NUAK2: variants seen among roughly 807,000 people sequenced by gnomAD.
NUAK2 encodes NUAK family SNF1-like kinase 2.
NUAK2 carries 20 observed loss-of-function variants against 29.8 expected under a neutral mutation model. The ratio of observed to expected loss-of-function variants is 0.67; its 90% CI spans 0.47 to 0.98. The LOEUF (loss-of-function observed/expected upper bound fraction) is 0.98. Among genes scored for constraint, NUAK2 ranks in the 50% least tolerant of loss-of-function variants. The pLI, the probability that NUAK2 is intolerant of heterozygous loss-of-function variation, is 0.00. For missense variants in NUAK2, 719 were observed against 834.5 expected (o/e 0.86, Z 1.71); for synonymous variants, 331 against 342.6 (o/e 0.97, Z 0.37).
In NUAK2 at chr1:205,314,832, GA is replaced by G. The variant is rs1376395581; in HGVS notation, c.232-3008del. 2.6e-5 allele frequency among the ~76,000 whole-genome samples: 4 copies of G among 152,136 alleles called. 1 individual carries two copies. Among genetic ancestry groups the G allele is most frequent in the Admixed American group, 2.0e-4 (3 of 15,276 alleles). On this transcript the variant is annotated intron_variant, in intron 1 of 6. Coordinates refer to ENST00000367157, the MANE Select transcript of NUAK2 (RefSeq NM_030952.3). ...GTTGTGTACTCGCAGATACAATAGTGAAATAAATCATCATAGGCTTAGGGGG... is the reference window on the plus strand; with the variant it reads ...GTTGTGTACTCGCAGATACAATAGTGAATAAATCATCATAGGCTTAGGGGG...
chr1:205,313,385 T>C (rs540480195), intron 1 of NUAK2, among the ~76,000 whole-genome samples: 1 of 152,150 alleles, frequency 6.6e-6, no homozygotes, highest in African/African-American at 2.4e-5. Flanking sequence ...AAACACCACA[T>C]GAGGACGAAG....
At chr1:205,314,581 A>G (rs1036273607) in intron 1 of NUAK2, among the ~76,000 whole-genome samples, 1 of 152,152 alleles carries the variant, frequency 6.6e-6, no homozygotes, top group Non-Finnish European at 1.5e-5. Context: ...TCTCGCCTCC[A>G]TACCCTTTTT....
At chr1:205,309,694 T>C (rs1349174280) in intron 2 of NUAK2, among the ~76,000 whole-genome samples, 1 of 152,184 alleles carries the variant, frequency 6.6e-6, no homozygotes, top group Non-Finnish European at 1.5e-5. Context: ...AATGTCTGTC[T>C]TGAGGATCAG....
intron 1 of NUAK2, among the ~76,000 whole-genome samples, chr1:205,319,552 C>T (rs1252081581): frequency 1.3e-5 from 2 of 152,160 alleles, no homozygotes; most frequent in African/African-American, 2.4e-5. Flanking sequence ...GTCTCCACCC[C>T]CAAGAGGCAC....
chr1:205,312,208 T>C (rs1662267038), intron 1 of NUAK2, among the ~76,000 whole-genome samples: 2 of 152,206 alleles, frequency 1.3e-5, no homozygotes, highest in South Asian at 4.1e-4. Flanking sequence ...GAATTCTTGA[T>C]GCTGAGCACA....
intron 1 of NUAK2, among the ~76,000 whole-genome samples, chr1:205,317,577 C>T (rs1330924781): frequency 1.3e-5 from 2 of 152,192 alleles, no homozygotes; most frequent in Non-Finnish European, 2.9e-5. Context: ...CTGTGCTGCC[C>T]CCTCCTTGCC....
rs568549426 is a variant in NUAK2, at chr1:205,305,230, G to A, written c.792C>T (p.Asn264=). ...GTTTAGGTGGCTCCCGGTAGGCCCC[G>A]TTGCTGATCTGTTTCACTAGGATCT... is the stretch of plus-strand genomic sequence containing the variant. ...DHKILVKQIS[N]GAYREPPKPS... is the part of the protein sequence containing the mutation. Residue 264 remains asparagine (N), a synonymous_variant, in exon 6 of 7, where the codon AAC becomes AAT. Transcript: ENST00000367157. The A allele has an allele frequency of 4.2e-5, 68 of 1,614,196 alleles. 1 individual carries two copies. In the South Asian group the frequency reaches 5.0e-4, roughly 12 times the overall value.
intron 1 of NUAK2, among the ~76,000 whole-genome samples, chr1:205,313,247 GA>G (rs57757397): frequency 0.041 from 5,242 of 126,448 alleles, 162 homozygotes; most frequent in African/African-American, 0.088. Context: ...AAATTATGAA[GA>G]AAAAAAAAAA....
At chr1:205,315,180 A>G (rs193057616) in intron 1 of NUAK2, among the ~76,000 whole-genome samples, 2 of 152,244 alleles carry the variant, frequency 1.3e-5, no homozygotes, top group Admixed American at 1.3e-4. Context: ...TCAGGCCTCT[A>G]TCGGTCTCCA....
chr1:205,303,732 C>T lies in NUAK2; in HGVS notation c.1605G>A (p.Arg535=), dbSNP rs1473544544. ...TCACAGCCCCTGAGGGTCGGCTGGC[C>T]CGGGCCAGGGGGCGAGGTGGGGCGA... ...DELAPPRPLA[R]ASRPSGAVSE... The change falls in exon 7 of 7, where the codon CGG becomes CGA. Residue 535 remains arginine, a synonymous_variant. Transcript: ENST00000367157. 1 of 1,538,930 alleles carries T rather than the reference C, an allele frequency of 6.5e-7. No individual in the cohort carries two copies. The highest frequency in any genetic ancestry group is 8.7e-7 in the Non-Finnish European group (1 of 1,144,498).
Position 205,305,275 on chromosome 1 carries a change from G to A in NUAK2, c.747C>T (p.Pro249=). 1 of 1,614,210 alleles carries A rather than the reference G, an allele frequency of 6.2e-7. No homozygotes were observed. Residue 249 remains proline, a synonymous_variant, in exon 6 of 7, where the codon CCC becomes CCT. Transcript: ENST00000367157. ...LLYILVHGTM[P]FDGHDHKILV... is the part of the protein sequence containing the mutation. ...GGATCTTATGGTCATGCCCATCAAA[G>A]GGCATGGTGCCATGCACCAGGATGT... is the stretch of plus-strand genomic sequence containing the variant.
At position 205,321,266 on chromosome 1, in the gene NUAK2, C is replaced by T. The variant is rs547617314; in HGVS notation, c.231+132G>A. 3.8e-6 allele frequency: 3 copies of T among 779,392 alleles called. No individual in the cohort carries two copies. In the South Asian group the frequency reaches 5.7e-5, roughly 15 times the overall value. 48.3% of individuals were successfully genotyped at this position (779,392 alleles called of 1,614,324 possible). A position where few individuals can be genotyped will look rare whatever the true frequency, so the allele number is the denominator to read the frequency against. ...CCAGGGACACCCCGCAGTAGCCCCGCAAGCTCAGCGCGGTAAAGACCACGC... is the reference window on the plus strand; with the variant it reads ...CCAGGGACACCCCGCAGTAGCCCCGTAAGCTCAGCGCGGTAAAGACCACGC... On this transcript the variant is annotated intron_variant, in intron 1 of 6. Coordinates refer to ENST00000367157, the MANE Select transcript of NUAK2 (RefSeq NM_030952.3).
intron 2 of NUAK2, among the ~76,000 whole-genome samples, chr1:205,310,527 A>C (rs987515686): frequency 3.8e-4 from 58 of 152,332 alleles, no homozygotes; most frequent in Admixed American, 3.1e-3. Flanking sequence ...CCTGAGCTGC[A>C]GTGCTCAGTT....
intron 1 of NUAK2, among the ~76,000 whole-genome samples, chr1:205,314,180 G>C (rs1467301232): frequency 6.6e-6 from 1 of 152,216 alleles, no homozygotes; most frequent in Non-Finnish European, 1.5e-5. Context: ...CGGTCACCCC[G>C]GCAACGGGCC....
In NUAK2 at chr1:205,304,011, C is replaced by T. The variant is rs1158198083; in HGVS notation, c.1326G>A (p.Leu442=). The change falls in exon 7 of 7, where the codon CTG becomes CTA. Residue 442 remains leucine (L), a synonymous_variant. Coordinates refer to ENST00000367157, the MANE Select transcript of NUAK2 (RefSeq NM_030952.3). This position sits in a 1 kb window ranked among gnomAD's most constrained non-coding sequence, Gnocchi z 6.5. ...IPASPGQAAP[L]LPKKGILKKP... The stretch of plus-strand genomic sequence containing the variant: ...TCTTGAGAATGCCCTTCTTGGGGAG[C>T]AGGGGGGCAGCCTGCCCTGGGCTCG... The T allele has an allele frequency of 4.3e-6, 7 of 1,613,844 alleles. No homozygotes were observed. Among genetic ancestry groups the T allele is most frequent in the Non-Finnish European group, 5.9e-6 (7 of 1,179,876 alleles).
At chr1:205,305,686 T>C in intron 5 of NUAK2, 1 of 196,474 alleles carries the variant, frequency 5.1e-6, no homozygotes, top group Non-Finnish European at 9.2e-6. Flanking sequence ...AGACCTAAGT[T>C]CTAGTTCTAG....
At position 205,303,721 on chromosome 1, in the gene NUAK2, G is replaced by T; in HGVS notation, c.1616C>A (p.Pro539His). 1.3e-6 allele frequency: 2 copies of T among 1,538,910 alleles called. No individual in the cohort carries two copies. The highest frequency in any genetic ancestry group is 1.7e-6 in the Non-Finnish European group (2 of 1,144,604). Reference protein sequence around the residue: ...PPRPLARASRPSGAVSEDSIL... With the variant: ...PPRPLARASRHSGAVSEDSIL... ...GCTGTCCTCGCTCACAGCCCCTGAGGGTCGGCTGGCCCGGGCCAGGGGGCG... is the reference window on the plus strand; with the variant it reads ...GCTGTCCTCGCTCACAGCCCCTGAGTGTCGGCTGGCCCGGGCCAGGGGGCG... Residue 539 changes from proline to histidine, a missense_variant, in exon 7 of 7, where the codon CCC becomes CAC. By Grantham distance (77) the Pro-to-His change is moderately conservative. Coordinates refer to ENST00000367157, the MANE Select transcript of NUAK2 (RefSeq NM_030952.3).
At chr1:205,307,818 T>A (rs1662203351) in intron 4 of NUAK2, among the ~76,000 whole-genome samples, 1 of 152,196 alleles carries the variant, frequency 6.6e-6, no homozygotes. Context: ...GCCGGGCCTG[T>A]CCCAAGGTTG....
In NUAK2 at chr1:205,321,399, A is replaced by T. The variant is rs1322690528; in HGVS notation, c.230T>A (p.Leu77Gln). Residue 77 changes from leucine (L) to glutamine (Q), a missense_variant and splice_region_variant, in exon 1 of 7, where the codon CTG becomes CAG. Leu to Gln is a moderately radical substitution (Grantham distance 113). Transcript: ENST00000367157. ...GCCGCGAGAGGGAGCCGCACTCACCAGGCGCCCCGAGCTCTCCCGCGCCTT... is the reference window on the plus strand; with the variant it reads ...GCCGCGAGAGGGAGCCGCACTCACCTGGCGCCCCGAGCTCTCCCGCGCCTT... ...VKKARESSGR[L>Q]VAIKSIRKDK... 1.2e-6 allele frequency: 2 copies of T among 1,612,598 alleles called. No homozygotes were observed. The highest frequency in any genetic ancestry group is 1.7e-6 in the Non-Finnish European group (2 of 1,179,418).
Sources: gnomAD v4.1 joint callset for allele counts (sites outside exome capture counted in the v4.1 genomes callset) on GRCh38, gnomAD v4.1.1 for gene constraint, Gnocchi (gnomAD v3.1) non-coding constraint, MANE v1.5 for transcripts, NCBI Gene and HGNC (gene_info 2026-07-23, HGNC 2026-07-21) for gene names.